Variants in CYRIB observed in about 807,000 individuals in gnomAD.
CYRIB encodes the protein CYFIP-related Rac1 interactor B.
In CYRIB, 8 loss-of-function variants were observed where a neutral mutation model predicts 44.2. The observed-to-expected ratio is 0.18, with a 90% CI of 0.11 to 0.33. The LOEUF (loss-of-function observed/expected upper bound fraction) is 0.33, where lower values mean the gene tolerates loss of function less well. Ranked by LOEUF, CYRIB falls within the 10% of genes least tolerant of loss-of-function variation. The probability of loss-of-function intolerance (pLI) is 1.00; values close to 1 mark genes in which losing one functional copy is unlikely to be tolerated. For synonymous variants in CYRIB, 131 were observed against 127.2 expected, an observed-to-expected ratio of 1.03 and a Z score of -0.20; for missense variants, 185 against 382.8, an observed-to-expected ratio of 0.48 and a Z score of 4.31.
intron 10 of CYRIB, among the ~76,000 whole-genome samples, chr8:129,848,735 AT>A (rs1191521309): frequency 0.012 from 1,736 of 141,174 alleles, 10 homozygotes; most frequent in Non-Finnish European, 0.014. Context: ...CACCTGGCTA[AT>A]TTTTTTTTTT....
chr8:129,973,265 G>A (rs759241611), intron 1 of CYRIB, among the ~76,000 whole-genome samples: 12 of 152,236 alleles, frequency 7.9e-5, no homozygotes, highest in Admixed American at 7.2e-4. Flanking sequence ...AGGTAATACT[G>A]AAGCTGAGAA....
chr8:129,857,529 A>G (rs1227219751), intron 5 of CYRIB, among the ~76,000 whole-genome samples: 1 of 152,204 alleles, frequency 6.6e-6, no homozygotes. Context: ...TAATTTGTGG[A>G]CCACATTAAG....
At chr8:129,968,584 T>C (rs1018440488) in intron 2 of CYRIB, among the ~76,000 whole-genome samples, 38 of 152,344 alleles carry the variant, frequency 2.5e-4, no homozygotes, top group African/African-American at 7.5e-4. Flanking sequence ...CTGTTAGGTA[T>C]AGGTTGTTGA....
At chr8:129,995,095 G>C (rs577422205) in intron 1 of CYRIB, among the ~76,000 whole-genome samples, 1 of 152,340 alleles carries the variant, frequency 6.6e-6, no homozygotes, top group South Asian at 2.1e-4. Context: ...CAACCAGGAA[G>C]GTGGGTGGAA....
intron 1 of CYRIB, among the ~76,000 whole-genome samples, chr8:129,982,229 C>T (rs933672980): frequency 6.6e-6 from 1 of 152,200 alleles, no homozygotes; most frequent in Non-Finnish European, 1.5e-5. Context: ...GCCCCAGAGC[C>T]CTGTCTGTGC....
intron 1 of CYRIB, among the ~76,000 whole-genome samples, chr8:130,002,532 C>T (rs1382696735): frequency 6.6e-6 from 1 of 152,010 alleles, no homozygotes; most frequent in Non-Finnish European, 1.5e-5. Context: ...GTAACATAAT[C>T]ACATTAGAAA....
chr8:129,963,829 G>C (rs2095370451), intron 2 of CYRIB, among the ~76,000 whole-genome samples: 1 of 152,200 alleles, frequency 6.6e-6, no homozygotes, highest in African/African-American at 2.4e-5. Context: ...GCAGATAATG[G>C]AACGCTCTTA....
intron 1 of CYRIB, among the ~76,000 whole-genome samples, chr8:130,011,551 C>G (rs1282130147): frequency 6.6e-6 from 1 of 151,826 alleles, no homozygotes; most frequent in Non-Finnish European, 1.5e-5. Flanking sequence ...GGCATGGTGG[C>G]TCACGCCTGT....
chr8:129,992,434 C>T (rs2096661461), intron 1 of CYRIB, among the ~76,000 whole-genome samples: 1 of 152,246 alleles, frequency 6.6e-6, no homozygotes, highest in Non-Finnish European at 1.5e-5. Context: ...GCCACCCCCT[C>T]TTGGAACAGC....
chr8:129,896,373 A>G (rs2068050935), intron 2 of CYRIB, among the ~76,000 whole-genome samples: 2 of 152,244 alleles, frequency 1.3e-5, no homozygotes, highest in Non-Finnish European at 2.9e-5. Flanking sequence ...TACAAGATCT[A>G]TAAACATCAA....
intron 3 of CYRIB, among the ~76,000 whole-genome samples, chr8:129,872,362 G>A (rs938003660): frequency 1.3e-5 from 2 of 152,072 alleles, no homozygotes; most frequent in Non-Finnish European, 2.9e-5. Flanking sequence ...CAAACATATG[G>A]GCATTTTCAC....
intron 2 of CYRIB, among the ~76,000 whole-genome samples, chr8:129,957,272 A>G (rs1255983751): frequency 6.6e-6 from 1 of 152,204 alleles, no homozygotes; most frequent in East Asian, 1.9e-4. Flanking sequence ...ATCAGCACCC[A>G]AAGATGACAC....
At position 129,859,547 on chromosome 8, in the gene CYRIB, C is replaced by G. The variant is rs190860262; in HGVS notation, c.301+2682G>C. On this transcript the variant is annotated intron_variant, in intron 5 of 11. Transcript: ENST00000519824. Reference sequence around the variant, plus strand: ...TGACACTGAGGCTACCGCTAGACCACAGTCCGCTTGGCAACGGCCATCTTC... The same window carrying G: ...TGACACTGAGGCTACCGCTAGACCAGAGTCCGCTTGGCAACGGCCATCTTC... 4.6e-4 allele frequency among the ~76,000 whole-genome samples: 70 copies of G among 152,274 alleles called. No individual in the cohort carries two copies. The South Asian group carries it at 0.01, about 22-fold the overall frequency.
At position 129,954,716 on chromosome 8, in the gene CYRIB, G is replaced by C. The variant is rs962892222; in HGVS notation, c.-243+16227C>G. Among the ~76,000 whole-genome samples the C allele has an allele frequency of 4.6e-5, 7 of 152,144 alleles. 1 individual carries two copies. Among genetic ancestry groups the C allele is most frequent in the Admixed American group, 2.6e-4 (4 of 15,282 alleles). ...CACGATCCCCCAGTCATGAACTCTGGACCCAGGGGGAAGATTAGAGGGATT... is the reference window on the plus strand; with the variant it reads ...CACGATCCCCCAGTCATGAACTCTGCACCCAGGGGGAAGATTAGAGGGATT... On this transcript the variant is annotated intron_variant, in intron 2 of 14. Coordinates refer to the CYRIB transcript ENST00000401979.
chr8:130,008,896 A>G (rs531249836), intron 1 of CYRIB, among the ~76,000 whole-genome samples: 3 of 152,296 alleles, frequency 2.0e-5, no homozygotes, highest in African/African-American at 7.2e-5. Context: ...TCTGGTTTTG[A>G]GCAAAGCTGG....
chr8:129,847,894 T>A (rs2041064272), intron 10 of CYRIB, among the ~76,000 whole-genome samples: 1 of 152,170 alleles, frequency 6.6e-6, no homozygotes, highest in Non-Finnish European at 1.5e-5. Flanking sequence ...CTCTGCCTCC[T>A]GGATTTAAGC....
exon 12 of CYRIB, chr8:129,841,004 A>AAC (rs2036045692): frequency 6.6e-6 from 1 of 152,244 alleles, no homozygotes; most frequent in African/African-American, 2.4e-5. Flanking sequence ...TGTTCCAACC[A>AAC]TGAGATTTAG....
chr8:129,874,239 T>C (rs1043308559), intron 3 of CYRIB, among the ~76,000 whole-genome samples: 2 of 152,082 alleles, frequency 1.3e-5, no homozygotes, highest in Non-Finnish European at 2.9e-5. Context: ...GTAGACATAT[T>C]CATTACTCAT....
At chr8:129,991,248 C>CT (rs2096626343) in intron 1 of CYRIB, among the ~76,000 whole-genome samples, 1 of 151,964 alleles carries the variant, frequency 6.6e-6, no homozygotes, top group Non-Finnish European at 1.5e-5. Context: ...TAACACAGTG[C>CT]CTGCCTGGCA....
Sources: allele counts gnomAD v4.1 joint callset (sites outside exome capture counted in the v4.1 genomes callset), GRCh38; gene constraint gnomAD v4.1.1; transcripts MANE v1.5; gene names NCBI Gene and HGNC (gene_info 2026-07-23, HGNC 2026-07-21).